Variants in CERS4 observed in about 807,000 individuals in gnomAD.
CERS4 encodes LAG1 homolog, ceramide synthase 4.
In CERS4, 65 loss-of-function variants were observed where a neutral mutation model predicts 51.8. The observed-to-expected ratio is 1.26, with a 90% CI of 1.03 to 1.54. The LOEUF is 1.54. CERS4 is among the 40% of genes most tolerant of loss of function. The pLI is 0.00. For synonymous variants in CERS4, 228 were observed against 208.4 expected (o/e 1.09, Z -0.81); for missense variants, 563 against 500.4 (o/e 1.13, Z -1.19).
chr19:8,244,927 G>A (rs1049667525), intron 2 of CERS4, among the ~76,000 whole-genome samples: 3 of 151,878 alleles, frequency 2.0e-5, no homozygotes, highest in Admixed American at 6.6e-5. Context: ...GGTGGATCAC[G>A]AGGTCAGGAG....
At chr19:8,236,694 AAAAAAAAG>A (rs1355744842) in intron 2 of CERS4, among the ~76,000 whole-genome samples, 278 of 117,462 alleles carry the variant, frequency 2.4e-3, no homozygotes, top group South Asian at 0.019. Flanking sequence ...AAAAAAAAAA[AAAAAAAAG>A]AAAGAAAGAA....
chr19:8,227,847 G>A (rs1381176849), intron 2 of CERS4, among the ~76,000 whole-genome samples: 2 of 151,944 alleles, frequency 1.3e-5, no homozygotes, highest in African/African-American at 4.8e-5. Flanking sequence ...TGATTATTAG[G>A]CATGGATTTT....
intron 2 of CERS4, among the ~76,000 whole-genome samples, chr19:8,223,828 G>T (rs2145188051): frequency 6.6e-6 from 1 of 152,232 alleles, no homozygotes; most frequent in East Asian, 1.9e-4. Flanking sequence ...GCTGGGTGCA[G>T]TGGCTCATGC....
intron 3 of CERS4, among the ~76,000 whole-genome samples, chr19:8,253,281 C>T (rs1015438508): frequency 3.9e-5 from 6 of 152,090 alleles, no homozygotes; most frequent in Non-Finnish European, 7.3e-5. Flanking sequence ...GCCCCAGCCC[C>T]TGCCCATGGG....
chr19:8,250,964 C>G, intron 2 of CERS4, 112 bp from the exon 3 acceptor site: 8 of 1,478,578 alleles, frequency 5.4e-6, no homozygotes, highest in Non-Finnish European at 7.2e-6. Flanking sequence ...TGGTTGTCAA[C>G]TGCGCTGATA....
chr19:8,249,393 TC>T (rs1245058850), intron 2 of CERS4, among the ~76,000 whole-genome samples: 1 of 152,026 alleles, frequency 6.6e-6, no homozygotes, highest in African/African-American at 2.4e-5. Flanking sequence ...CTCTTTGGGC[TC>T]CTCAAGCAGG....
At chr19:8,238,013 G>T (rs1004452324) in intron 2 of CERS4, among the ~76,000 whole-genome samples, 8 of 152,004 alleles carry the variant, frequency 5.3e-5, no homozygotes, top group Admixed American at 2.0e-4. Context: ...TCCTGTCTCT[G>T]TGCGAGTAAC....
intron 10 of CERS4, among the ~76,000 whole-genome samples, chr19:8,258,189 C>T (rs962196538): frequency 1.3e-5 from 2 of 152,146 alleles, no homozygotes; most frequent in African/African-American, 2.4e-5. Context: ...TATTACTCAG[C>T]GTGCCTGGAC....
At chr19:8,252,038 G>T (rs116830978) in intron 3 of CERS4, among the ~76,000 whole-genome samples, 2 of 149,530 alleles carry the variant, frequency 1.3e-5, no homozygotes, top group Admixed American at 6.8e-5. Context: ...ACCAGACTGC[G>T]CAACATGGTG....
chr19:8,216,885 G>A (rs1243040643), intron 2 of CERS4, among the ~76,000 whole-genome samples: 1 of 152,100 alleles, frequency 6.6e-6, no homozygotes, highest in African/African-American at 2.4e-5. Context: ...AGACAGGCAG[G>A]CTTGGGTCCA....
At chr19:8,249,586 G>GGTTTTT (rs1568528022) in intron 2 of CERS4, among the ~76,000 whole-genome samples, 2 of 57,936 alleles carry the variant, frequency 3.5e-5, no homozygotes, top group African/African-American at 5.6e-5. Flanking sequence ...AGGAACTCTG[G>GGTTTTT]ATTTTTTTTT....
intron 2 of CERS4, among the ~76,000 whole-genome samples, chr19:8,229,900 A>G (rs1339231854): frequency 1.3e-5 from 2 of 151,560 alleles, no homozygotes; most frequent in Non-Finnish European, 2.9e-5. Flanking sequence ...TTGTTGTTTT[A>G]ATTTTAGTAG....
At position 8,261,990 on chromosome 19, in the gene CERS4, G is replaced by A. The variant is rs772695825; in HGVS notation, c.1066G>A (p.Ala356Thr). Residue 356 changes from alanine to threonine, a missense_variant, in exon 12 of 12, where the codon GCC becomes ACC. Physicochemically the swap from Ala to Thr is moderately conservative, Grantham distance 58. Coordinates refer to ENST00000251363, the MANE Select transcript of CERS4 (RefSeq NM_024552.3). ...AGACTCCAGTGAGGAGGCGGCGGCG[G>A]CCCAGGAACCTCTGCAGCTAAAGAA... ...ESDSSEEAAA[A>T]QEPLQLKNGA... 17 of 1,596,594 alleles carry A rather than the reference G, an allele frequency of 1.1e-5. No individual in the cohort carries two copies. Among genetic ancestry groups the A allele is most frequent in the Non-Finnish European group, 1.5e-5 (17 of 1,172,108 alleles).
intron 2 of CERS4, among the ~76,000 whole-genome samples, chr19:8,243,562 A>G (rs2967622): frequency 0.91 from 138,393 of 151,970 alleles, 63,377 homozygotes; most frequent in Non-Finnish European, 0.96. Context: ...AATGCTAGCA[A>G]CAGCTTCTAA....
At position 8,262,195 on chromosome 19, in the gene CERS4, C is replaced by T; in HGVS notation, c.*86C>T. 7.4e-7 allele frequency: 1 copy of T among 1,347,030 alleles called. No homozygotes were observed. Among genetic ancestry groups the T allele is most frequent in the South Asian group, 1.9e-5 (1 of 51,618 alleles). 83.4% of individuals were successfully genotyped at this position (1,347,030 alleles called of 1,614,324 possible). ...GACTGGACTGGCGCCCCTGGGCCAC[C>T]TTTCTGGAGACAGGGAGGGCCCCAC... On this transcript the variant is annotated 3_prime_UTR_variant, in exon 12 of 12. Coordinates refer to ENST00000251363, the MANE Select transcript of CERS4 (RefSeq NM_024552.3).
intron 3 of CERS4, among the ~76,000 whole-genome samples, chr19:8,253,147 G>A (rs916826482): frequency 1.3e-5 from 2 of 152,218 alleles, no homozygotes; most frequent in Non-Finnish European, 2.9e-5. Flanking sequence ...TATAAAATTC[G>A]GTCCCCACCT....
intron 2 of CERS4, among the ~76,000 whole-genome samples, chr19:8,212,305 G>T (rs1967111661): frequency 6.6e-6 from 1 of 152,180 alleles, no homozygotes; most frequent in Non-Finnish European, 1.5e-5. Flanking sequence ...CCAGGTGAAG[G>T]CGTGGACGGG....
At chr19:8,246,577 C>T (rs967607290) in intron 2 of CERS4, among the ~76,000 whole-genome samples, 2 of 151,948 alleles carry the variant, frequency 1.3e-5, no homozygotes, top group Non-Finnish European at 2.9e-5. Flanking sequence ...CTGCATTTCA[C>T]TTGGGTAAAT....
At chr19:8,218,611 C>T (rs990318473) in intron 2 of CERS4, among the ~76,000 whole-genome samples, 20 of 152,050 alleles carry the variant, frequency 1.3e-4, no homozygotes, top group African/African-American at 4.1e-4. Flanking sequence ...GGGGAGCCTC[C>T]GAGGAGATCT....
Sources: gnomAD v4.1 joint callset for allele counts (sites outside exome capture counted in the v4.1 genomes callset) on GRCh38, gnomAD v4.1.1 for gene constraint, MANE v1.5 for transcripts, NCBI Gene and HGNC (gene_info 2026-07-23, HGNC 2026-07-21) for gene names.